Variants in ZNF493 observed in about 807,000 individuals in gnomAD.
ZNF493 encodes the protein zinc finger protein 493.
Under a neutral mutation model 12.2 loss-of-function variants are expected in ZNF493, and 11 were observed. The observed-to-expected ratio is 0.90, with a 90% CI of 0.57 to 1.50. ZNF493 has a LOEUF of 1.50. Among genes scored for constraint, ZNF493 ranks in the 40% most tolerant of loss-of-function variants. The pLI, the probability that ZNF493 is intolerant of heterozygous loss-of-function variation, is 0.00. For synonymous variants in ZNF493, 286 were observed against 302.6 expected (o/e 0.95, Z 0.57); for missense variants, 950 against 906.6 (o/e 1.05, Z -0.61).
intron 3 of ZNF493, among the ~76,000 whole-genome samples, chr19:21,407,315 G>A (rs1014366509): frequency 2.0e-5 from 3 of 151,820 alleles, no homozygotes; most frequent in African/African-American, 4.8e-5. Flanking sequence ...TTGAGATGGA[G>A]TCTCACTCTA....
rs2030807973 is a variant in ZNF493, at chr19:21,424,787, G to C, written c.2128G>C (p.Glu710Gln). 1.2e-6 allele frequency: 2 copies of C among 1,612,302 alleles called. No individual in the cohort carries two copies. Among genetic ancestry groups the C allele is most frequent in the Non-Finnish European group, 1.7e-6 (2 of 1,179,372 alleles). Residue 710 changes from glutamate to glutamine, a missense_variant, in exon 4 of 4, where the codon GAG (glutamate) becomes CAG (glutamine). Transcript: ENST00000392288. ...LNTHKIIHTG[E>Q]KPCKCEECGK... ...TACGCATAAGATAATTCATACTGGA[G>C]AGAAACCTTGCAAATGTGAAGAATG... is the stretch of plus-strand genomic sequence containing the variant.
At chr19:21,405,929 A>AAAG (rs869270290) in intron 3 of ZNF493, 73 bp downstream of exon 3, 1 of 1,062,048 alleles carries the variant, frequency 9.4e-7, no homozygotes, top group East Asian at 2.8e-5. Context: ...AAAAAAAAAA[A>AAAG]GCCAGTCCTG....
chr19:21,400,390 C>T (rs934658272), intron 1 of ZNF493, among the ~76,000 whole-genome samples: 2 of 151,528 alleles, frequency 1.3e-5, no homozygotes, highest in Non-Finnish European at 2.9e-5. Context: ...GGCCTGGTGA[C>T]AGAGAGAGAC....
At position 21,423,413 on chromosome 19, in the gene ZNF493, C is replaced by T. The variant is rs1329074112; in HGVS notation, c.754C>T (p.Leu252Phe). Reference sequence around the variant, plus strand: ...CAAATCTTTTAACCAGGACTCAAACCTTACTACACATAAGAGAATTCATAC... The same window carrying T: ...CAAATCTTTTAACCAGGACTCAAACTTTACTACACATAAGAGAATTCATAC... ...CGKSFNQDSN[L>F]TTHKRIHTGQ... The change falls in exon 4 of 4, where the codon CTT becomes TTT. Residue 252 changes from leucine (L) to phenylalanine (F), a missense_variant. By Grantham distance (22) the Leu-to-Phe change is conservative (BLOSUM62 0). Coordinates refer to ENST00000392288, the MANE Select transcript of ZNF493 (RefSeq NM_001076678.3). The T allele has an allele frequency of 6.2e-7, 1 of 1,613,618 alleles. No homozygotes were observed. The highest frequency in any genetic ancestry group is 1.7e-5 in the Admixed American group (1 of 59,956).
intron 3 of ZNF493, among the ~76,000 whole-genome samples, chr19:21,418,707 A>G (rs2145299879): frequency 6.6e-6 from 1 of 152,348 alleles, no homozygotes; most frequent in East Asian, 1.9e-4. Context: ...AGTCATTAGC[A>G]CTGTTTCTAG....
In ZNF493 at chr19:21,425,084, T is replaced by C. The variant is rs2030820133; in HGVS notation, c.*100T>C. 1.7e-6 allele frequency: 2 copies of C among 1,157,648 alleles called. No individual in the cohort carries two copies. The highest frequency in any genetic ancestry group is 1.3e-5 in the South Asian group (1 of 75,330). 71.7% of individuals were successfully genotyped at this position (1,157,648 alleles called of 1,614,324 possible). On this transcript the variant is annotated 3_prime_UTR_variant, in exon 4 of 4. Coordinates refer to ENST00000392288, the MANE Select transcript of ZNF493 (RefSeq NM_001076678.3). ...CCCTTAATACACATAAGATAATTAA[T>C]GCTGGAGAGAAACCCTACAAATGTG...
intron 3 of ZNF493, chr19:21,414,595 T>A (rs1383259816): frequency 6.6e-6 from 1 of 152,182 alleles, no homozygotes; most frequent in African/African-American, 2.4e-5. Flanking sequence ...CAGTTGTTCA[T>A]CTGTATGAAA....
chr19:21,408,770 AATTAAAAG>A, intron 3 of ZNF493: 3 of 984,556 alleles, frequency 3.0e-6, no homozygotes, highest in Non-Finnish European at 3.6e-6. Context: ...TGTGAGGTTG[AATTAAAAG>A]ATAGCCATAT....
chr19:21,407,718 CAAT>C, intron 3 of ZNF493: 1 of 978,142 alleles, frequency 1.0e-6, no homozygotes, highest in Non-Finnish European at 1.2e-6. Context: ...AGACAAATTT[CAAT>C]GTACTGTGGT....
chr19:21,408,601 T>G (rs2030215249), intron 3 of ZNF493: 1 of 985,088 alleles, frequency 1.0e-6, no homozygotes, highest in Non-Finnish European at 1.2e-6. Flanking sequence ...GGTATATTAA[T>G]GTTGCATACC....
intron 3 of ZNF493, chr19:21,412,495 A>G (rs926326277): frequency 2.6e-5 from 4 of 151,306 alleles, no homozygotes; most frequent in African/African-American, 1.0e-4. Context: ...GGGCCAGTTT[A>G]TGGCCAGATT....
In ZNF493 at chr19:21,423,967, A is replaced by T. The variant is rs1246748308; in HGVS notation, c.1308A>T (p.Glu436Asp). Residue 436 changes from glutamate to aspartate, a missense_variant, in exon 4 of 4, where the codon GAA (glutamate) becomes GAT (aspartate). Glu to Asp is a conservative substitution (Grantham distance 45). Coordinates refer to ENST00000392288, the MANE Select transcript of ZNF493 (RefSeq NM_001076678.3). The stretch of plus-strand genomic sequence containing the variant: ...CTGGAGAGAAACCCTACAAATGTGA[A>T]GAATGTGGCAAAACCTTTAGTGTAT... ...IHTGEKPYKC[E>D]ECGKTFSVFS... 6.2e-7 allele frequency: 1 copy of T among 1,613,582 alleles called. No individual in the cohort carries two copies. The highest frequency in any genetic ancestry group is 2.2e-5 in the East Asian group (1 of 44,824).
intron 3 of ZNF493, chr19:21,407,588 C>T (rs2030175620): frequency 1.0e-6 from 1 of 976,036 alleles, no homozygotes. Flanking sequence ...CATGCCCAGC[C>T]TAATAAAAAT....
At chr19:21,411,324 T>C (rs944630262) in intron 3 of ZNF493, among the ~76,000 whole-genome samples, 7 of 151,618 alleles carry the variant, frequency 4.6e-5, no homozygotes, top group African/African-American at 1.5e-4. Context: ...ATCACACTTT[T>C]TGTTATTGTA....
intron 3 of ZNF493, 80 bp from the exon 4 acceptor site, chr19:21,422,833 T>A: frequency 7.8e-7 from 1 of 1,285,164 alleles, no homozygotes; most frequent in Non-Finnish European, 1.1e-6. Flanking sequence ...GCAGTTTGTA[T>A]AATATTATAG....
chr19:21,418,213 G>T (rs988303759), intron 3 of ZNF493, among the ~76,000 whole-genome samples: 1 of 152,168 alleles, frequency 6.6e-6, no homozygotes, highest in Non-Finnish European at 1.5e-5. Flanking sequence ...TAATGAGGGG[G>T]TGTAGAAGGG....
chr19:21,423,486 A>G lies in ZNF493; in HGVS notation c.827A>G (p.Gln276Arg). ...GAAGAATGTGGCACATCTTTCTACC[A>G]ATTCTCATACCTTACTAGGCATAAG... is the stretch of plus-strand genomic sequence containing the variant. The part of the protein sequence containing the change: ...KCEECGTSFY[Q>R]FSYLTRHKLI... The change falls in exon 4 of 4, where the codon CAA becomes CGA. Residue 276 changes from glutamine (Q) to arginine (R), a missense_variant. Coordinates refer to ENST00000392288, the MANE Select transcript of ZNF493 (RefSeq NM_001076678.3). 1 of 1,613,150 alleles carries G rather than the reference A, an allele frequency of 6.2e-7. No homozygotes were observed. Among genetic ancestry groups the G allele is most frequent in the East Asian group, 2.2e-5 (1 of 44,726 alleles).
At chr19:21,398,400 A>G (rs959469015) in intron 1 of ZNF493, 2 of 177,304 alleles carry the variant, frequency 1.1e-5, no homozygotes, top group African/African-American at 4.8e-5. Context: ...TTTTGCTTTC[A>G]TCTTGTCTAG....
Position 21,425,866 on chromosome 19 carries a change from T to C in ZNF493, c.*882T>C. On this transcript the variant is annotated 3_prime_UTR_variant, in exon 4 of 4. Transcript: ENST00000392288. ...AGAGAAACCATACAACTGTGAAGAA[T>C]GTGGCAAAGCTTTTAACCAGTCCTC... 1.7e-6 allele frequency: 1 copy of C among 586,602 alleles called. No individual in the cohort carries two copies. 36.3% of individuals were successfully genotyped at this position (586,602 alleles called of 1,614,324 possible). A position where few individuals can be genotyped will look rare whatever the true frequency, so the allele number is the denominator to read the frequency against.
Sources: gnomAD v4.1 joint callset for allele counts (sites outside exome capture counted in the v4.1 genomes callset) on GRCh38, gnomAD v4.1.1 for gene constraint, MANE v1.5 for transcripts, NCBI Gene and HGNC (gene_info 2026-07-23, HGNC 2026-07-21) for gene names.